The following SLC12A3 variants were observed in gnomAD, a reference collection of about 807,000 sequenced individuals.
SLC12A3 encodes the protein Na-Cl cotransporter.
A neutral mutation model predicts 121.0 loss-of-function variants in SLC12A3; 104 were observed. The ratio of observed to expected loss-of-function variants is 0.86; its 90% CI spans 0.73 to 1.01. The LOEUF (loss-of-function observed/expected upper bound fraction) is 1.01, where lower values mean the gene tolerates loss of function less well. Among genes scored for constraint, SLC12A3 ranks in the 50% least tolerant of loss-of-function variants. SLC12A3 has a pLI of 0.00. For missense variants in SLC12A3, 1,328 were observed against 1,356.3 expected (o/e 0.98, Z 0.33); for synonymous variants, 536 against 533.4 (o/e 1.00, Z -0.07).
At chr16:56,891,999 C>A in intron 19 of SLC12A3, 84 bp from the exon 20 acceptor site, 1 of 1,025,176 alleles carries the variant, frequency 9.8e-7, no homozygotes, top group Non-Finnish European at 1.5e-6. Context: ...TTCTTCCTAG[C>A]ATTAAGGGAG....
rs539797243 is a variant in SLC12A3, at chr16:56,879,426, G to A, written c.1336-116G>A. The stretch of plus-strand genomic sequence containing the variant: ...CTGGGATCTCCAGGGGTGGGTTGTG[G>A]ACTCAGGTGGAGGCTCAGGACCCAG... On this transcript the variant is annotated intron_variant, in intron 10 of 25. Coordinates refer to ENST00000563236, the MANE Select transcript of SLC12A3 (RefSeq NM_001126108.2). The A allele has an allele frequency of 2.2e-5, 24 of 1,071,680 alleles. 1 individual carries two copies. In the South Asian group the frequency reaches 3.0e-4, roughly 13 times the overall value. The allele number at this position is 1,071,680 out of a possible 1,614,324, so 66.4% of individuals were successfully genotyped here.
chr16:56,894,445 G>T, intron 21 of SLC12A3, 86 bp from the exon 22 acceptor site: 1 of 919,634 alleles, frequency 1.1e-6, no homozygotes, highest in Non-Finnish European at 1.8e-6. Context: ...GAAGGGGTTT[G>T]CTAATGGCAG....
chr16:56,877,616 C>A lies in SLC12A3; in HGVS notation c.1096-461C>A, dbSNP rs554946590. On this transcript the variant is annotated intron_variant, in intron 8 of 25. Coordinates refer to ENST00000563236, the MANE Select transcript of SLC12A3 (RefSeq NM_001126108.2). ...GTCAATGTGGATTAATTTATTTCAC[C>A]AACATCCCTGACAGATGAGGGGCCG... Among the ~76,000 whole-genome samples the A allele has an allele frequency of 2.6e-5, 4 of 152,152 alleles. No individual in the cohort carries two copies. In the South Asian group the frequency reaches 8.3e-4, roughly 32 times the overall value.
intron 15 of SLC12A3, 125 bp downstream of exon 15, chr16:56,885,489 G>A (rs889483298): frequency 1.8e-5 from 13 of 721,614 alleles, no homozygotes; most frequent in Non-Finnish European, 3.0e-5. Flanking sequence ...CCTCCACTCA[G>A]AGAGGGAACA....
chr16:56,880,840 A>C (rs2055230778), intron 12 of SLC12A3, among the ~76,000 whole-genome samples: 1 of 152,186 alleles, frequency 6.6e-6, no homozygotes, highest in Non-Finnish European at 1.5e-5. Flanking sequence ...TAGACAAGGT[A>C]CTTCACCTCT....
intron 2 of SLC12A3, among the ~76,000 whole-genome samples, chr16:56,867,996 T>A (rs1045740295): frequency 2.6e-5 from 4 of 152,162 alleles, no homozygotes; most frequent in Non-Finnish European, 5.9e-5. Flanking sequence ...TGGTCGGGGC[T>A]GGCAGACACA....
chr16:56,892,194 A>C (rs887012312), intron 20 of SLC12A3, 61 bp downstream of exon 20: 3 of 1,531,454 alleles, frequency 2.0e-6, no homozygotes, highest in Non-Finnish European at 2.7e-6. Context: ...AGGGCACTCT[A>C]GCCCTGTGGG....
At chr16:56,910,402 C>T (rs1207781891) in intron 25 of SLC12A3, among the ~76,000 whole-genome samples, 1 of 152,132 alleles carries the variant, frequency 6.6e-6, no homozygotes, top group African/African-American at 2.4e-5. Context: ...GTAGTGAGAT[C>T]TCAGCTCACT....
At chr16:56,879,450 AG>A in intron 10 of SLC12A3, 91 bp from the exon 11 acceptor site, 2 of 1,184,726 alleles carry the variant, frequency 1.7e-6, no homozygotes, top group Non-Finnish European at 2.5e-6. Flanking sequence ...CTCAGGACCC[AG>A]CCCCTGCCCG....
intron 25 of SLC12A3, 146 bp from the exon 26 acceptor site, chr16:56,913,118 G>T: frequency 9.9e-7 from 1 of 1,010,594 alleles, no homozygotes. Flanking sequence ...GGTTTGTGCG[G>T]AAAGTGGGGA....
chr16:56,878,045 T>TCCCC, intron 8 of SLC12A3, 32 bp from the exon 9 acceptor site: 1 of 339,194 alleles, frequency 2.9e-6, no homozygotes, highest in Non-Finnish European at 5.7e-6. Flanking sequence ...TCTCCCTCCC[T>TCCCC]CCCTCCCTCC....
intron 12 of SLC12A3, among the ~76,000 whole-genome samples, chr16:56,880,592 C>T (rs189275191): frequency 5.9e-4 from 90 of 152,216 alleles, no homozygotes; most frequent in African/African-American, 2.0e-3. Context: ...CTAAATGAAC[C>T]CCAGAACACC....
chr16:56,868,219 C>T, intron 2 of SLC12A3, 78 bp from the exon 3 acceptor site: 1 of 1,361,702 alleles, frequency 7.3e-7, no homozygotes, highest in Non-Finnish European at 1.0e-6. Flanking sequence ...CGATACCCTG[C>T]CATAGCAAGG....
At chr16:56,904,879 G>T (rs2055586310) in intron 25 of SLC12A3, 1 of 332,208 alleles carries the variant, frequency 3.0e-6, no homozygotes, top group Non-Finnish European at 5.9e-6. Flanking sequence ...CTGAGCAACA[G>T]AAACAGAGGC....
In SLC12A3 at chr16:56,893,071, G is replaced by C. The variant is rs1312043006; in HGVS notation, c.2521+17G>C. The C allele has an allele frequency of 6.2e-7, 1 of 1,605,688 alleles. No individual in the cohort carries two copies. Among genetic ancestry groups the C allele is most frequent in the East Asian group, 2.2e-5 (1 of 44,816 alleles). ...ACGATGGAGGTCAGTGACCCCCTTG[G>C]ATCAGCCCTCCTGCCCGGCGGGGGC... On this transcript the variant is annotated intron_variant, in intron 21 of 25. Coordinates refer to ENST00000563236, the MANE Select transcript of SLC12A3 (RefSeq NM_001126108.2).
intron 25 of SLC12A3, chr16:56,904,848 C>A (rs573351608): frequency 3.0e-4 from 103 of 345,390 alleles, no homozygotes; most frequent in African/African-American, 2.1e-3. Flanking sequence ...CGGCCATTCC[C>A]AGCTGATGTT....
chr16:56,877,395 CA>C (rs530640078), intron 8 of SLC12A3, among the ~76,000 whole-genome samples: 13 of 139,964 alleles, frequency 9.3e-5, no homozygotes, highest in African/African-American at 1.9e-4. Flanking sequence ...GACTCTGTCT[CA>C]AAAAAAAAAT....
chr16:56,881,847 G>A (rs771131936), intron 12 of SLC12A3, among the ~76,000 whole-genome samples: 31 of 152,036 alleles, frequency 2.0e-4, no homozygotes, highest in Non-Finnish European at 3.8e-4. Context: ...TCAGGAGTTC[G>A]AGACCAGCCT....
At position 56,902,418 on chromosome 16, in the gene SLC12A3, T is replaced by C. The variant is rs200716656; in HGVS notation, c.2766T>C (p.Asp922=). The C allele has an allele frequency of 6.2e-7, 1 of 1,613,116 alleles. No individual in the cohort carries two copies. The highest frequency in any genetic ancestry group is 1.7e-5 in the Admixed American group (1 of 59,854). ...EDMIAPFRLN[D]GFKDEATVNE... Reference sequence around the variant, plus strand: ...TGATTGCACCCTTCCGTCTGAATGATGGCTTCAAGGATGAGGCCACTGTCA... The same window carrying C: ...TGATTGCACCCTTCCGTCTGAATGACGGCTTCAAGGATGAGGCCACTGTCA... Residue 922 remains aspartate, a synonymous_variant, in exon 24 of 26, where the codon GAT becomes GAC. Coordinates refer to ENST00000563236, the MANE Select transcript of SLC12A3 (RefSeq NM_001126108.2).
Sources: gnomAD v4.1 joint callset for allele counts (sites outside exome capture counted in the v4.1 genomes callset) on GRCh38, gnomAD v4.1.1 for gene constraint, MANE v1.5 for transcripts, NCBI Gene and HGNC (gene_info 2026-07-23, HGNC 2026-07-21) for gene names.